ATP1B3: variants seen among roughly 807,000 people sequenced by gnomAD.
ATP1B3 encodes sodium/potassium-transporting ATPase subunit beta-3.
Under a neutral mutation model 30.2 loss-of-function variants are expected in ATP1B3, and 10 were observed. The observed-to-expected ratio is 0.33, with a 90% CI of 0.20 to 0.56. The LOEUF is 0.56. ATP1B3 is among the 20% of genes least tolerant of loss of function. The pLI is 0.90. For missense variants in ATP1B3, 238 were observed against 336.7 expected (o/e 0.71, Z 2.29); for synonymous variants, 113 against 117.0 (o/e 0.97, Z 0.22).
chr3:141,915,673 G>T (rs1934448576), intron 4 of ATP1B3, among the ~76,000 whole-genome samples: 1 of 152,050 alleles, frequency 6.6e-6, no homozygotes, highest in South Asian at 2.1e-4. Context: ...AGATTTAAGG[G>T]TTTCTGTCTG....
chr3:141,886,964 C>G (rs986801803), intron 1 of ATP1B3, among the ~76,000 whole-genome samples: 1 of 152,176 alleles, frequency 6.6e-6, no homozygotes, highest in Admixed American at 6.5e-5. Context: ...GATTGTGCCA[C>G]TGCACTCCAG....
chr3:141,896,573 C>A (rs1446666381), intron 1 of ATP1B3, among the ~76,000 whole-genome samples: 1 of 152,050 alleles, frequency 6.6e-6, no homozygotes, highest in Non-Finnish European at 1.5e-5. Flanking sequence ...TTCATATATT[C>A]TAGATAGGAG....
chr3:141,922,812 A>G (rs995304038), intron 6 of ATP1B3, among the ~76,000 whole-genome samples: 2 of 150,488 alleles, frequency 1.3e-5, no homozygotes, highest in Non-Finnish European at 3.0e-5. Context: ...AAAAATTACA[A>G]AAAATTAGCT....
chr3:141,882,888 A>G (rs1374689340), intron 1 of ATP1B3, among the ~76,000 whole-genome samples: 1 of 152,100 alleles, frequency 6.6e-6, no homozygotes, highest in African/African-American at 2.4e-5. Context: ...GCCCGGCCTC[A>G]TGAGTTTTTA....
intron 1 of ATP1B3, among the ~76,000 whole-genome samples, chr3:141,881,294 A>G (rs1386139236): frequency 3.3e-5 from 5 of 151,990 alleles, no homozygotes; most frequent in Non-Finnish European, 7.4e-5. Context: ...GGGGTTCATT[A>G]TCTTTATTAA....
intron 1 of ATP1B3, among the ~76,000 whole-genome samples, chr3:141,893,065 G>A (rs755834418): frequency 3.9e-5 from 6 of 152,010 alleles, no homozygotes; most frequent in African/African-American, 1.2e-4. Flanking sequence ...CAGTGGTGCC[G>A]TTGGTTCACT....
intron 5 of ATP1B3, among the ~76,000 whole-genome samples, chr3:141,920,918 G>C (rs1029531603): frequency 1.3e-5 from 2 of 152,040 alleles, no homozygotes; most frequent in Admixed American, 6.6e-5. Context: ...GTGCTGTCTG[G>C]CCGGTGCCTT....
intron 1 of ATP1B3, among the ~76,000 whole-genome samples, chr3:141,887,819 T>C (rs562941134): frequency 1.2e-4 from 19 of 152,298 alleles, no homozygotes; most frequent in Admixed American, 1.3e-4. Context: ...TACTATATGG[T>C]TTTATTTATG....
At chr3:141,905,336 A>C (rs564577135) in intron 2 of ATP1B3, among the ~76,000 whole-genome samples, 1 of 152,260 alleles carries the variant, frequency 6.6e-6, no homozygotes, top group East Asian at 1.9e-4. Context: ...TGGTTGTTAC[A>C]GCTAGAGAGG....
At chr3:141,897,450 G>T (rs967938473) in intron 1 of ATP1B3, among the ~76,000 whole-genome samples, 1 of 152,160 alleles carries the variant, frequency 6.6e-6, no homozygotes, top group African/African-American at 2.4e-5. Flanking sequence ...ATACTTGAAT[G>T]AGACATTTTT....
chr3:141,906,316 A>T (rs1934266535), intron 2 of ATP1B3, among the ~76,000 whole-genome samples: 1 of 152,098 alleles, frequency 6.6e-6, no homozygotes, highest in Non-Finnish European at 1.5e-5. Flanking sequence ...AGTAACTGGG[A>T]CTACAGGCAT....
chr3:141,915,651 ATATT>A (rs770589117), intron 4 of ATP1B3, among the ~76,000 whole-genome samples: 52 of 152,194 alleles, frequency 3.4e-4, no homozygotes, highest in Non-Finnish European at 5.9e-4. Context: ...GTTCATATAA[ATATT>A]AATAATTAGA....
chr3:141,917,612 T>G (rs1307327970), intron 5 of ATP1B3, among the ~76,000 whole-genome samples: 1 of 151,912 alleles, frequency 6.6e-6, no homozygotes, highest in African/African-American at 2.4e-5. Context: ...AGGAACCGCT[T>G]GAACCTGGGA....
At chr3:141,909,293 A>G (rs1243034713) in intron 3 of ATP1B3, among the ~76,000 whole-genome samples, 2 of 152,160 alleles carry the variant, frequency 1.3e-5, no homozygotes, top group African/African-American at 4.8e-5. Flanking sequence ...CTATTAATTT[A>G]TTGACATATT....
At chr3:141,889,728 CAAAAAA>C (rs1168549266) in intron 1 of ATP1B3, among the ~76,000 whole-genome samples, 26 of 48,478 alleles carry the variant, frequency 5.4e-4, no homozygotes, top group South Asian at 2.1e-3. Flanking sequence ...GACTCCGTCT[CAAAAAA>C]AAAAAAAAAA....
At chr3:141,914,933 CA>C (rs1934428665) in intron 4 of ATP1B3, among the ~76,000 whole-genome samples, 1 of 152,140 alleles carries the variant, frequency 6.6e-6, no homozygotes, top group African/African-American at 2.4e-5. Context: ...ATGTTTCAAC[CA>C]GACCTTATTC....
chr3:141,904,968 C>T (rs1934238055), intron 2 of ATP1B3, among the ~76,000 whole-genome samples: 1 of 152,118 alleles, frequency 6.6e-6, no homozygotes, highest in Admixed American at 6.5e-5. Flanking sequence ...GCCTCGGCCT[C>T]CCAAAGTGCT....
chr3:141,902,284 A>G, intron 1 of ATP1B3: 1 of 1,185,154 alleles, frequency 8.4e-7, no homozygotes, highest in Non-Finnish European at 1.1e-6. Flanking sequence ...AATTGCTTTA[A>G]CTATTTCCCC....
chr3:141,925,520 T>A lies in ATP1B3; in HGVS notation c.670-11T>A. 6.3e-7 allele frequency: 1 copy of A among 1,588,026 alleles called. No individual in the cohort carries two copies. The highest frequency in any genetic ancestry group is 1.9e-5 in the Admixed American group (1 of 53,386). On this transcript the variant is annotated splice_polypyrimidine_tract_variant and intron_variant, in intron 6 of 6. Coordinates refer to ENST00000286371, the MANE Select transcript of ATP1B3 (RefSeq NM_001679.4). ...AGAGTTTGAATTAATATATTTTCCT[T>A]TTATTGCCAGGTTGGGTATCTACAG...
Sources: gnomAD v4.1 joint callset for allele counts (sites outside exome capture counted in the v4.1 genomes callset) on GRCh38, gnomAD v4.1.1 for gene constraint, MANE v1.5 for transcripts, NCBI Gene and HGNC (gene_info 2026-07-23, HGNC 2026-07-21) for gene names.